Variants in CFAP45 observed in about 807,000 individuals in gnomAD.
CFAP45 encodes cilia and flagella associated protein 45.
Under a neutral mutation model 75.6 loss-of-function variants are expected in CFAP45, and 43 were observed. The ratio of observed to expected loss-of-function variants is 0.57; its 90% CI spans 0.45 to 0.73. The LOEUF (loss-of-function observed/expected upper bound fraction) is 0.73. Ranked by LOEUF, CFAP45 falls within the 30% of genes least tolerant of loss-of-function variation. The pLI is 0.00. For synonymous variants in CFAP45, 223 were observed against 244.6 expected (o/e 0.91, Z 0.82); for missense variants, 689 against 701.5 (o/e 0.98, Z 0.20).
chr1:159,892,855 T>C (rs764332793), intron 2 of CFAP45, among the ~76,000 whole-genome samples: 20 of 152,246 alleles, frequency 1.3e-4, no homozygotes, highest in Non-Finnish European at 2.4e-4. Context: ...GCTTAGCCCA[T>C]CAGCCCTGCA....
At chr1:159,880,825 A>C in intron 7 of CFAP45, 125 bp from the exon 8 acceptor site, 2 of 818,500 alleles carry the variant, frequency 2.4e-6, no homozygotes, top group South Asian at 2.0e-5. Flanking sequence ...TAGTGTCCAC[A>C]ACTATCCTTT....
intron 8 of CFAP45, among the ~76,000 whole-genome samples, chr1:159,879,024 C>T (rs1649484187): frequency 6.6e-6 from 1 of 152,098 alleles, no homozygotes; most frequent in Non-Finnish European, 1.5e-5. Flanking sequence ...TAGATACTTA[C>T]GGTGGACTGT....
At chr1:159,877,589 A>G in intron 8 of CFAP45, 127 bp from the exon 9 acceptor site, 1 of 734,372 alleles carries the variant, frequency 1.4e-6, no homozygotes, top group Non-Finnish European at 2.5e-6. Flanking sequence ...AAATAGGACA[A>G]AATAAGGCCA....
At chr1:159,890,868 C>T (rs1035063475) in intron 2 of CFAP45, among the ~76,000 whole-genome samples, 9 of 149,878 alleles carry the variant, frequency 6.0e-5, no homozygotes, top group African/African-American at 2.2e-4. Flanking sequence ...AAGCAATTCT[C>T]CTCCCTCAGC....
intron 6 of CFAP45, 45 bp downstream of exon 6, chr1:159,886,466 C>A: frequency 6.5e-7 from 1 of 1,540,472 alleles, no homozygotes; most frequent in Admixed American, 1.7e-5. Context: ...CCTAAAGATA[C>A]ATGGAAATAG....
chr1:159,890,442 A>C (rs757109064), intron 3 of CFAP45, 38 bp downstream of exon 3: 12 of 1,606,650 alleles, frequency 7.5e-6, no homozygotes, highest in Admixed American at 1.7e-5. Flanking sequence ...CAAAAGGATG[A>C]GGACTGGACA....
At chr1:159,891,071 T>C (rs907072922) in intron 2 of CFAP45, among the ~76,000 whole-genome samples, 1 of 152,212 alleles carries the variant, frequency 6.6e-6, no homozygotes, top group Admixed American at 6.5e-5. Flanking sequence ...GACCAGCTTT[T>C]CTGAAAACAA....
chr1:159,873,179 G>A lies in CFAP45; in HGVS notation c.1353-11C>T. On this transcript the variant is annotated splice_polypyrimidine_tract_variant and intron_variant, in intron 10 of 11. Transcript: ENST00000368099. ...TGTTCTCTCTGAGCCCTGGGGGAGG[G>A]AAACAGGAATGGAATGAACTCAGCT... 6.2e-7 allele frequency: 1 copy of A among 1,611,150 alleles called. No homozygotes were observed. The highest frequency in any genetic ancestry group is 8.5e-7 in the Non-Finnish European group (1 of 1,178,392).
intron 3 of CFAP45, 60 bp from the exon 4 acceptor site, chr1:159,888,556 CA>C: frequency 6.8e-7 from 1 of 1,479,986 alleles, no homozygotes; most frequent in Non-Finnish European, 9.4e-7. Context: ...CACCACACTT[CA>C]GGCTTCTCTG....
intron 1 of CFAP45, among the ~76,000 whole-genome samples, chr1:159,896,794 C>G (rs1002117990): frequency 3.9e-5 from 6 of 152,192 alleles, no homozygotes; most frequent in African/African-American, 1.4e-4. Context: ...CTGACTCCCC[C>G]TCTCTTCATA....
chr1:159,890,810 G>C (rs1445257048), intron 2 of CFAP45, among the ~76,000 whole-genome samples, 188 bp from the exon 3 acceptor site: 4 of 144,106 alleles, frequency 2.8e-5, no homozygotes, highest in Admixed American at 1.4e-4. Context: ...CCAGGCTGGA[G>C]TGCAGTGGCA....
chr1:159,880,656 C>T lies in CFAP45; in HGVS notation c.942G>A (p.Glu314=). The change falls in exon 8 of 12, where the codon GAG becomes GAA. Residue 314 remains glutamate (E), a synonymous_variant. Coordinates refer to ENST00000368099, the MANE Select transcript of CFAP45 (RefSeq NM_012337.3). ...GGTTTTCATCATTGATGCGCTTAAT[C>T]TCAGCTTGCATCTTCAGTTTTTGTT... is the stretch of plus-strand genomic sequence containing the variant. ...RQQQKLKMQA[E]IKRINDENQK... 1 of 1,613,934 alleles carries T rather than the reference C, an allele frequency of 6.2e-7. No individual in the cohort carries two copies. Among genetic ancestry groups the T allele is most frequent in the Non-Finnish European group, 8.5e-7 (1 of 1,179,914 alleles).
chr1:159,898,885 A>C (rs1650009093), intron 1 of CFAP45, among the ~76,000 whole-genome samples: 1 of 152,178 alleles, frequency 6.6e-6, no homozygotes, highest in African/African-American at 2.4e-5. Flanking sequence ...GAGTCCTCGA[A>C]AGTCAGGAAC....
intron 3 of CFAP45, among the ~76,000 whole-genome samples, chr1:159,889,150 G>A (rs1474020508): frequency 1.3e-5 from 2 of 151,972 alleles, no homozygotes; most frequent in African/African-American, 4.8e-5. Context: ...TAAAATCTGT[G>A]ATCAACAATA....
intron 1 of CFAP45, 135 bp from the exon 2 acceptor site, chr1:159,893,440 G>A (rs1195269018): frequency 1.2e-5 from 10 of 815,558 alleles, no homozygotes; most frequent in Non-Finnish European, 2.0e-5. Context: ...AAGCGGCTGT[G>A]TAAACTCTGA....
At chr1:159,893,796 G>C (rs958954654) in intron 1 of CFAP45, among the ~76,000 whole-genome samples, 2 of 151,976 alleles carry the variant, frequency 1.3e-5, no homozygotes, top group African/African-American at 2.4e-5. Context: ...AAGATTAAAT[G>C]AGATGGCAAG....
At chr1:159,896,318 A>G (rs1375272370) in intron 1 of CFAP45, among the ~76,000 whole-genome samples, 1 of 152,206 alleles carries the variant, frequency 6.6e-6, no homozygotes, top group Non-Finnish European at 1.5e-5. Flanking sequence ...ACAGATGACC[A>G]CAGAAAAGTG....
chr1:159,886,897 G>C (rs1477579509), intron 5 of CFAP45, among the ~76,000 whole-genome samples: 1 of 152,088 alleles, frequency 6.6e-6, no homozygotes, highest in Non-Finnish European at 1.5e-5. Context: ...TAGGTGCCAG[G>C]GTCTGTGCAA....
chr1:159,874,344 T>C (rs938225408), intron 10 of CFAP45, among the ~76,000 whole-genome samples: 27 of 152,256 alleles, frequency 1.8e-4, no homozygotes, highest in South Asian at 1.0e-3. Flanking sequence ...AGATCCACCA[T>C]ACATGCGGCA....
Sources: gnomAD v4.1 joint callset for allele counts (sites outside exome capture counted in the v4.1 genomes callset) on GRCh38, gnomAD v4.1.1 for gene constraint, MANE v1.5 for transcripts, NCBI Gene and HGNC (gene_info 2026-07-23, HGNC 2026-07-21) for gene names.